RANBP17: variants seen among roughly 807,000 people sequenced by gnomAD.
RANBP17 encodes the protein ran-binding protein 17.
RANBP17 carries 158 observed loss-of-function variants against 141.2 expected under a neutral mutation model. That is an observed-to-expected ratio of 1.12 (90% CI 0.98 to 1.28). The LOEUF is 1.28. RANBP17 is among the 50% of genes most tolerant of loss of function. The pLI is 0.00. For synonymous variants in RANBP17, 430 were observed against 450.0 expected (o/e 0.96, Z 0.56); for missense variants, 1,438 against 1,290.7 (o/e 1.11, Z -1.75).
At chr5:171,161,711 A>G (rs1026925575) in intron 14 of RANBP17, among the ~76,000 whole-genome samples, 1 of 152,232 alleles carries the variant, frequency 6.6e-6, no homozygotes, top group Non-Finnish European at 1.5e-5. Context: ...GTTGCATAGT[A>G]CAAAAGCATC....
At chr5:170,938,547 A>T (rs927712308) in intron 12 of RANBP17, among the ~76,000 whole-genome samples, 2 of 152,360 alleles carry the variant, frequency 1.3e-5, no homozygotes, top group African/African-American at 4.8e-5. Context: ...TAAAGCAATT[A>T]TGTGCGAAAT....
At chr5:170,984,503 T>C (rs1777987836) in intron 14 of RANBP17, among the ~76,000 whole-genome samples, 1 of 151,994 alleles carries the variant, frequency 6.6e-6, no homozygotes, top group African/African-American at 2.4e-5. Flanking sequence ...GACACACGGC[T>C]GTAGTCCCAG....
At chr5:171,202,730 T>G in intron 19 of RANBP17, among the ~76,000 whole-genome samples, 1 of 152,160 alleles carries the variant, frequency 6.6e-6, no homozygotes, top group East Asian at 1.9e-4. Context: ...TTGGAACTAT[T>G]TAGAGGTTAT....
intron 12 of RANBP17, among the ~76,000 whole-genome samples, chr5:170,931,130 G>A (rs1773338037): frequency 6.6e-6 from 1 of 152,192 alleles, no homozygotes; most frequent in Non-Finnish European, 1.5e-5. Flanking sequence ...GTATCTCATT[G>A]TGGTTTTGAT....
chr5:170,917,080 T>C (rs1176990573), intron 9 of RANBP17, among the ~76,000 whole-genome samples: 2 of 152,196 alleles, frequency 1.3e-5, no homozygotes, highest in African/African-American at 4.8e-5. Flanking sequence ...GGCTGACTTC[T>C]GTGTTTCTCT....
intron 7 of RANBP17, 99 bp from the exon 8 acceptor site, chr5:170,914,068 G>T (rs1052544030): frequency 1.3e-6 from 1 of 768,468 alleles, no homozygotes; most frequent in Non-Finnish European, 2.3e-6. Flanking sequence ...ATGGCCACAT[G>T]CAGAGGCCTT....
At chr5:171,169,913 C>T (rs575823910) in intron 14 of RANBP17, among the ~76,000 whole-genome samples, 11 of 151,434 alleles carry the variant, frequency 7.3e-5, no homozygotes, top group African/African-American at 2.4e-4. Flanking sequence ...TGTGTGTAAG[C>T]GTTTATATAT....
Position 170,998,535 on chromosome 5 carries a change from G to C in RANBP17, c.1710+30158G>C, listed in dbSNP as rs1340813420. On this transcript the variant is annotated intron_variant, in intron 14 of 27. Transcript: ENST00000523189. Reference sequence around the variant, plus strand: ...TAATGTCAGTACTAAAAGTAGTAGAGGGCTTTGATAGCAATATTAATACAT... The same window carrying C: ...TAATGTCAGTACTAAAAGTAGTAGACGGCTTTGATAGCAATATTAATACAT... Among the ~76,000 whole-genome samples the C allele has an allele frequency of 2.0e-5, 3 of 152,212 alleles. No homozygotes were observed. In the East Asian group the frequency reaches 5.8e-4, roughly 29 times the overall value.
intron 14 of RANBP17, among the ~76,000 whole-genome samples, chr5:171,159,946 AAAG>A (rs1451602898): frequency 1.1e-4 from 17 of 151,380 alleles, no homozygotes; most frequent in Admixed American, 1.1e-3. Context: ...AAAAAAGAAA[AAAG>A]AAGAAAATTT....
chr5:171,289,093 A>G (rs1396391063), intron 25 of RANBP17, among the ~76,000 whole-genome samples: 1 of 152,044 alleles, frequency 6.6e-6, no homozygotes, highest in Non-Finnish European at 1.5e-5. Flanking sequence ...GCATTTATTC[A>G]TTTATGTATT....
At chr5:171,225,789 C>T (rs781351401) in intron 22 of RANBP17, among the ~76,000 whole-genome samples, 4 of 152,128 alleles carry the variant, frequency 2.6e-5, no homozygotes, top group Non-Finnish European at 5.9e-5. Context: ...GAAATACCTC[C>T]GCCTCACTGC....
intron 23 of RANBP17, 138 bp from the exon 24 acceptor site, chr5:171,242,544 C>A: frequency 1.2e-6 from 1 of 845,836 alleles, no homozygotes; most frequent in Non-Finnish European, 1.8e-6. Flanking sequence ...CTCATTATGT[C>A]ATTTGCTCTA....
chr5:171,266,781 GCT>G, intron 25 of RANBP17, among the ~76,000 whole-genome samples: 1 of 151,944 alleles, frequency 6.6e-6, no homozygotes, highest in East Asian at 1.9e-4. Context: ...GCGTGGTGGT[GCT>G]CACCTGTAGT....
chr5:170,889,488 A>G (rs370810979), intron 3 of RANBP17, among the ~76,000 whole-genome samples: 35 of 152,264 alleles, frequency 2.3e-4, no homozygotes, highest in African/African-American at 8.2e-4. Context: ...GAACCACAAT[A>G]ACCTGATTCA....
chr5:170,942,406 T>C (rs1425327739), intron 12 of RANBP17, among the ~76,000 whole-genome samples: 1 of 152,098 alleles, frequency 6.6e-6, no homozygotes, highest in Non-Finnish European at 1.5e-5. Context: ...ATAATGTAAT[T>C]ATACAATATT....
rs1761415541 is a variant in RANBP17 at position 171,188,469 on chromosome 5, G to C, written c.2038+5039G>C. ...GATGAATCAGGCATACTGGGTCCTG[G>C]CCTCAAGGAGCTTGTCTTCTTGCTT... On this transcript the variant is annotated intron_variant, in intron 18 of 27. Transcript: ENST00000523189. 3.3e-5 allele frequency among the ~76,000 whole-genome samples: 5 copies of C among 152,172 alleles called. No homozygotes were observed. The South Asian group carries it at 1.0e-3, about 32-fold the overall frequency.
chr5:170,942,386 T>C (rs1307660368), intron 12 of RANBP17, among the ~76,000 whole-genome samples: 1 of 152,106 alleles, frequency 6.6e-6, no homozygotes, highest in African/African-American at 2.4e-5. Flanking sequence ...TGAAGATGAA[T>C]AAATAGATCA....
chr5:171,159,933 A>AAG (rs1554107697), intron 14 of RANBP17, among the ~76,000 whole-genome samples: 3 of 150,940 alleles, frequency 2.0e-5, no homozygotes, highest in African/African-American at 7.3e-5. Flanking sequence ...AAAAAAAAAA[A>AAG]AAAAAAAAGA....
At chr5:171,014,571 A>C (rs10050367) in intron 14 of RANBP17, among the ~76,000 whole-genome samples, 1 of 151,954 alleles carries the variant, frequency 6.6e-6, no homozygotes, top group Non-Finnish European at 1.5e-5. Context: ...TTTCCAGCAG[A>C]GTACTTCCAT....
Sources: allele counts gnomAD v4.1 joint callset (sites outside exome capture counted in the v4.1 genomes callset), GRCh38; gene constraint gnomAD v4.1.1; transcripts MANE v1.5; gene names NCBI Gene and HGNC (gene_info 2026-07-23, HGNC 2026-07-21).